The following ATP6V1B2 variants were observed in gnomAD, a reference collection of about 807,000 sequenced individuals.
ATP6V1B2 encodes the protein ATPase H+ transporting V1 subunit B2, also known as V-type proton ATPase subunit B, brain isoform.
Under a neutral mutation model 66.7 loss-of-function variants are expected in ATP6V1B2, and 23 were observed. The ratio of observed to expected loss-of-function variants is 0.34; its 90% CI spans 0.25 to 0.49. The LOEUF is 0.49. Ranked by LOEUF, ATP6V1B2 falls within the 20% of genes least tolerant of loss-of-function variation. The pLI is 0.99. For missense variants in ATP6V1B2, 478 were observed against 650.8 expected (o/e 0.73, Z 2.89); for synonymous variants, 278 against 236.7 (o/e 1.17, Z -1.60).
At chr8:20,205,115 A>G (rs1048640539) in intron 2 of ATP6V1B2, among the ~76,000 whole-genome samples, 1 of 152,242 alleles carries the variant, frequency 6.6e-6, no homozygotes, top group African/African-American at 2.4e-5. Flanking sequence ...GCAGGTGCCC[A>G]TTAACGTTTT....
intron 12 of ATP6V1B2, among the ~76,000 whole-genome samples, chr8:20,217,595 T>G (rs886568477): frequency 2.2e-4 from 33 of 152,202 alleles, no homozygotes; most frequent in African/African-American, 7.5e-4. Context: ...TTTAAATTTT[T>G]TATTAGCAAT....
intron 1 of ATP6V1B2, chr8:20,204,164 C>T (rs2072715165): frequency 7.8e-6 from 3 of 384,884 alleles, no homozygotes; most frequent in Non-Finnish European, 1.5e-5. Context: ...TCATCACATT[C>T]TAACTCCACC....
At chr8:20,203,906 C>G in intron 1 of ATP6V1B2, 1 of 444,882 alleles carries the variant, frequency 2.2e-6, no homozygotes, top group South Asian at 1.6e-5. Flanking sequence ...CCTTCAGAAG[C>G]TCTTTTCCCT....
chr8:20,219,758 C>G (rs7812960), intron 13 of ATP6V1B2, among the ~76,000 whole-genome samples: 2,054 of 152,208 alleles, frequency 0.013, 40 homozygotes, highest in African/African-American at 0.047. Context: ...ATTCTGCCAT[C>G]AAAAATAATT....
At chr8:20,204,117 C>T in intron 1 of ATP6V1B2, 1 of 420,734 alleles carries the variant, frequency 2.4e-6, no homozygotes, top group Non-Finnish European at 4.7e-6. Context: ...GCTGTGCTCC[C>T]ACAAACCCTG....
At chr8:20,202,219 A>G (rs1051061907) in intron 1 of ATP6V1B2, among the ~76,000 whole-genome samples, 6 of 152,166 alleles carry the variant, frequency 3.9e-5, no homozygotes, top group African/African-American at 1.2e-4. Context: ...CAAAAAATGA[A>G]CCAGTTCAGT....
chr8:20,218,338 T>C, intron 13 of ATP6V1B2, 56 bp downstream of exon 13: 3 of 1,585,898 alleles, frequency 1.9e-6, no homozygotes, highest in Non-Finnish European at 2.6e-6. Context: ...TTTTGAAAAC[T>C]GCTTTCCAAG....
intron 12 of ATP6V1B2, 112 bp from the exon 13 acceptor site, chr8:20,218,041 A>G: frequency 7.3e-7 from 1 of 1,373,280 alleles, no homozygotes; most frequent in South Asian, 1.6e-5. Context: ...GTTTTTGTAA[A>G]TTCCTTCTAT....
Position 20,220,671 on chromosome 8 carries a change from T to C in ATP6V1B2, c.*269T>C, listed in dbSNP as rs925280400. The C allele has an allele frequency of 6.3e-5, 20 of 319,696 alleles. No individual in the cohort carries two copies. The highest frequency in any genetic ancestry group is 1.0e-4 in the Non-Finnish European group (18 of 180,192). 19.8% of individuals were successfully genotyped at this position (319,696 alleles called of 1,614,324 possible). A position where few individuals can be genotyped will look rare whatever the true frequency, so the allele number is the denominator to read the frequency against. On this transcript the variant is annotated 3_prime_UTR_variant, in exon 14 of 14. Coordinates refer to ENST00000276390, the MANE Select transcript of ATP6V1B2 (RefSeq NM_001693.4). ...TTCTTATTGCTGTATGTATTGTACA[T>C]AGTGGAGTAGTTAGTTACCTGATAA... is the stretch of plus-strand genomic sequence containing the variant.
rs774228778 is a variant in ATP6V1B2 at position 20,216,510 on chromosome 8, C to G, written c.1161+15C>G. On this transcript the variant is annotated intron_variant, in intron 11 of 13. Coordinates refer to ENST00000276390, the MANE Select transcript of ATP6V1B2 (RefSeq NM_001693.4). The stretch of plus-strand genomic sequence containing the variant: ...ACAACAGACAGGTACTGGACGGGAG[C>G]AGTGCTGGGAAGCTTGCAGACCTGC... 1 of 1,609,118 alleles carries G rather than the reference C, an allele frequency of 6.2e-7. No homozygotes were observed. The highest frequency in any genetic ancestry group is 2.2e-5 in the East Asian group (1 of 44,824).
chr8:20,204,458 A>T (rs1585246642), intron 1 of ATP6V1B2, 26 bp from the exon 2 acceptor site: 1 of 1,602,628 alleles, frequency 6.2e-7, no homozygotes, highest in Non-Finnish European at 8.5e-7. Context: ...TTTGACTAAA[A>T]CTGACTCTTC....
chr8:20,215,169 A>AT, intron 10 of ATP6V1B2: 1 of 583,946 alleles, frequency 1.7e-6, no homozygotes, highest in Admixed American at 3.8e-5. Context: ...TTTCTTCATA[A>AT]TTTAAGTTTT....
chr8:20,207,601 C>T (rs1297130810), intron 2 of ATP6V1B2, among the ~76,000 whole-genome samples: 1 of 151,652 alleles, frequency 6.6e-6, no homozygotes, highest in Admixed American at 6.6e-5. Context: ...AAGAAAAGAC[C>T]GTTTTTATGA....
intron 7 of ATP6V1B2, 93 bp downstream of exon 7, chr8:20,211,846 C>A (rs1018029832): frequency 9.2e-7 from 1 of 1,085,744 alleles, no homozygotes; most frequent in African/African-American, 1.6e-5. Context: ...TTGAATTTTT[C>A]TTTAGGTAAA....
intron 1 of ATP6V1B2, 41 bp downstream of exon 1, chr8:20,197,583 T>C: frequency 1.5e-6 from 2 of 1,336,486 alleles, no homozygotes; most frequent in Non-Finnish European, 1.9e-6. Context: ...CTTTGCTCCC[T>C]AGCCTAGCCC....
rs185820743 is a variant in ATP6V1B2, at chr8:20,212,532, C to T, written c.804-250C>T. 3.3e-5 allele frequency among the ~76,000 whole-genome samples: 5 copies of T among 152,276 alleles called. No homozygotes were observed. In the East Asian group the frequency reaches 9.6e-4, roughly 29 times the overall value. On this transcript the variant is annotated intron_variant, in intron 8 of 13. Transcript: ENST00000276390. ...AAAATCTGGCTTTCATTTGTTTCCT[C>T]TCTCTCTCCTTCCTACCTGCCTGCC...
At chr8:20,218,117 CT>C in intron 12 of ATP6V1B2, 35 bp from the exon 13 acceptor site, 1 of 1,602,730 alleles carries the variant, frequency 6.2e-7, no homozygotes, top group Non-Finnish European at 8.5e-7. Context: ...ATTTTGAGAG[CT>C]TCTCTCTGCT....
intron 2 of ATP6V1B2, 59 bp downstream of exon 2, chr8:20,204,598 A>C: frequency 1.4e-6 from 2 of 1,435,894 alleles, no homozygotes; most frequent in East Asian, 4.6e-5. Flanking sequence ...ATTAAGTCCT[A>C]TTTAGTATAC....
intron 9 of ATP6V1B2, 22 bp downstream of exon 9, chr8:20,212,927 C>T: frequency 6.2e-7 from 1 of 1,612,486 alleles, no homozygotes; most frequent in East Asian, 2.2e-5. Context: ...ATGTTTTTCC[C>T]TCAGTTAAAC....
Sources: gnomAD v4.1 joint callset for allele counts (sites outside exome capture counted in the v4.1 genomes callset) on GRCh38, gnomAD v4.1.1 for gene constraint, MANE v1.5 for transcripts, NCBI Gene and HGNC (gene_info 2026-07-23, HGNC 2026-07-21) for gene names.